Variants in NRIP1 observed in about 807,000 individuals in gnomAD.
NRIP1 encodes nuclear receptor interacting protein 1.
A neutral mutation model predicts 75.0 loss-of-function variants in NRIP1; 28 were observed. The ratio of observed to expected loss-of-function variants is 0.37; its 90% CI spans 0.28 to 0.51. NRIP1 has a LOEUF of 0.51. NRIP1 is among the 20% of genes least tolerant of loss of function. The pLI is 0.92. For missense variants in NRIP1, 1,435 were observed against 1,343.7 expected (o/e 1.07, Z -1.06); for synonymous variants, 526 against 487.6 (o/e 1.08, Z -1.04).
chr21:14,974,154 T>A (rs2086984477), intron 3 of NRIP1: 2 of 152,184 alleles, frequency 1.3e-5, no homozygotes, highest in Admixed American at 6.5e-5. Flanking sequence ...TTTTTTTTCA[T>A]AAGAATTTAA....
At chr21:15,054,209 T>C (rs911399148) in intron 1 of NRIP1, among the ~76,000 whole-genome samples, 12 of 152,202 alleles carry the variant, frequency 7.9e-5, no homozygotes, top group Admixed American at 6.5e-4. Context: ...TTAAGGTTAC[T>C]GCACACCAAA....
rs1197061598 is a variant in NRIP1, at chr21:14,963,528, ATG to A, written c.*1186_*1187del. On this transcript the variant is annotated 3_prime_UTR_variant, in exon 4 of 4. Coordinates refer to ENST00000318948, the MANE Select transcript of NRIP1 (RefSeq NM_003489.4). ...CTACAATATTGCAAATTTTGAGCTGATGTGTGACTGTATTGGGGAAAATAGAG... is the reference window on the plus strand; with the variant it reads ...CTACAATATTGCAAATTTTGAGCTGATGTGACTGTATTGGGGAAAATAGAG... 6.6e-6 allele frequency: 1 copy of A among 152,522 alleles called. No homozygotes were observed. The highest frequency in any genetic ancestry group is 1.9e-4 in the East Asian group (1 of 5,200). The allele number at this position is 152,522 out of a possible 1,614,324, so 9.4% of individuals were successfully genotyped here.
chr21:14,967,883 A>T lies in NRIP1; in HGVS notation c.310T>A (p.Ser104Thr), dbSNP rs1212192798. 3.7e-6 allele frequency: 6 copies of T among 1,613,986 alleles called. No individual in the cohort carries two copies. Among genetic ancestry groups the T allele is most frequent in the Non-Finnish European group, 5.1e-6 (6 of 1,180,032 alleles). ...NAAKRKRLSD[S>T]IMNLNVKKEA... ...TTCTTTACGTTTAAATTCATGATAG[A>T]ATCAGACAGCCTCTTCCGCTTTGCT... The change falls in exon 4 of 4, where the codon TCT becomes ACT. Residue 104 changes from serine (S) to threonine (T), a missense_variant. By Grantham distance (58) the Ser-to-Thr change is moderately conservative. Coordinates refer to ENST00000318948, the MANE Select transcript of NRIP1 (RefSeq NM_003489.4).
intron 2 of NRIP1, among the ~76,000 whole-genome samples, chr21:15,039,066 G>A (rs1025925063): frequency 4.6e-5 from 7 of 152,098 alleles, no homozygotes; most frequent in East Asian, 1.9e-4. Context: ...GGAGGCTTCC[G>A]TTTTGAATTG....
At chr21:15,026,002 G>C (rs1169488306) in intron 2 of NRIP1, among the ~76,000 whole-genome samples, 1 of 152,240 alleles carries the variant, frequency 6.6e-6, no homozygotes, top group Non-Finnish European at 1.5e-5. Context: ...CTGACGATTA[G>C]ATAGTAGTGA....
intron 1 of NRIP1, chr21:15,050,986 A>C: frequency 2.3e-6 from 1 of 441,188 alleles, no homozygotes; most frequent in Non-Finnish European, 4.6e-6. Flanking sequence ...TAGTAGTAGT[A>C]GCAGTAGCAT....
chr21:15,000,301 G>C (rs534291171), intron 3 of NRIP1, among the ~76,000 whole-genome samples: 1 of 152,110 alleles, frequency 6.6e-6, no homozygotes, highest in Non-Finnish European at 1.5e-5. Context: ...GGAATGTATC[G>C]GGGTGGGTGA....
At position 15,024,567 on chromosome 21, in the gene NRIP1, A is replaced by AGTGTGTGTGTGTGT. The variant is rs60376904; in HGVS notation, c.-457-10115_-457-10102dup. Among the ~76,000 whole-genome samples the AGTGTGTGTGTGTGT allele has an allele frequency of 2.9e-3, 416 of 145,666 alleles. 1 individual carries two copies. The highest frequency in any genetic ancestry group is 1.0e-2 in the African/African-American group (395 of 39,550). ...ACACACACAAAACTTTGGTATCCAGAGTGTGTGTGTGTGTGTGTGTGTGTG... is the reference window on the plus strand; with the variant it reads ...ACACACACAAAACTTTGGTATCCAGAGTGTGTGTGTGTGTGTGTGTGTGTGTGTGTGTGTGTGTG... On this transcript the variant is annotated intron_variant, in intron 2 of 3. Transcript: ENST00000318948.
chr21:15,014,444 T>C lies in NRIP1; in HGVS notation c.-435A>G. On this transcript the variant is annotated 5_prime_UTR_variant, in exon 3 of 4. Transcript: ENST00000318948. ...TCATCCGGAGTCTTCAGATTCCCTG[T>C]CCTCCTTCAGTCAAGTGTGCATCTT... The C allele has an allele frequency of 7.5e-6, 3 of 398,468 alleles. No homozygotes were observed. Among genetic ancestry groups the C allele is most frequent in the Non-Finnish European group, 1.3e-5 (3 of 225,948 alleles). The allele number at this position is 398,468 out of a possible 1,614,324, so 24.7% of individuals were successfully genotyped here.
At chr21:15,029,053 T>C (rs1441946388) in intron 2 of NRIP1, among the ~76,000 whole-genome samples, 1 of 152,118 alleles carries the variant, frequency 6.6e-6, no homozygotes, top group East Asian at 1.9e-4. Flanking sequence ...GGCTTTACCT[T>C]GGAATCCAGA....
chr21:15,026,029 T>C (rs1358488149), intron 2 of NRIP1, among the ~76,000 whole-genome samples: 1 of 152,172 alleles, frequency 6.6e-6, no homozygotes, highest in Non-Finnish European at 1.5e-5. Flanking sequence ...ATGATTTTGA[T>C]GGTTTTGTTG....
At chr21:14,986,926 T>G (rs1361430801) in intron 3 of NRIP1, among the ~76,000 whole-genome samples, 1 of 152,194 alleles carries the variant, frequency 6.6e-6, no homozygotes, top group Non-Finnish European at 1.5e-5. Context: ...TAGCATGGCA[T>G]GTAAAGTAAT....
chr21:15,005,824 T>C (rs988202777), intron 3 of NRIP1, among the ~76,000 whole-genome samples: 5 of 152,156 alleles, frequency 3.3e-5, no homozygotes, highest in African/African-American at 1.2e-4. Context: ...TCACAAAGAA[T>C]GGGGCAGTTA....
chr21:14,972,010 T>C (rs1042692455), intron 3 of NRIP1, among the ~76,000 whole-genome samples: 52 of 152,328 alleles, frequency 3.4e-4, no homozygotes, highest in African/African-American at 1.3e-3. Flanking sequence ...GGAGACCTGT[T>C]TTTTAAATGA....
In NRIP1 at chr21:14,967,134, A is replaced by G. The variant is rs750185092; in HGVS notation, c.1059T>C (p.Ile353=). 58 of 1,614,008 alleles carry G rather than the reference A, an allele frequency of 3.6e-5. No homozygotes were observed. The highest frequency in any genetic ancestry group is 4.8e-5 in the Non-Finnish European group (57 of 1,180,012). ...AACCTGCATTTTTAGGGGAAGAAGG[A>G]ATGATACCCATTGGATTTTGAAACA... ...ATVFQNPMGI[I]PSSPKNAGYK... Residue 353 remains isoleucine, a synonymous_variant, in exon 4 of 4, where the codon ATT becomes ATC. Coordinates refer to ENST00000318948, the MANE Select transcript of NRIP1 (RefSeq NM_003489.4).
chr21:15,042,321 G>A (rs1254145176), intron 2 of NRIP1, among the ~76,000 whole-genome samples: 1 of 152,142 alleles, frequency 6.6e-6, no homozygotes, highest in Non-Finnish European at 1.5e-5. Context: ...GCTGGCAAAA[G>A]TTTTTGAGAA....
rs1488089691 is a variant in NRIP1 at position 15,064,888 on chromosome 21, G to GGGCGGACGGGCGCGCGCGGGT, written c.-702_-682dup. Reference sequence around the variant, plus strand: ...GGCGCAGCGGCGGACGCGAGGCCACGGGCGGACGGGCGCGCGCGGGTGGCG... The same window carrying GGGCGGACGGGCGCGCGCGGGT: ...GGCGCAGCGGCGGACGCGAGGCCACGGGCGGACGGGCGCGCGCGGGTGGCGGACGGGCGCGCGCGGGTGGCG... On this transcript the variant is annotated 5_prime_UTR_variant, in exon 1 of 4. Coordinates refer to ENST00000318948, the MANE Select transcript of NRIP1 (RefSeq NM_003489.4). The GGGCGGACGGGCGCGCGCGGGT allele has an allele frequency of 2.0e-5, 3 of 148,266 alleles. No individual in the cohort carries two copies. Among genetic ancestry groups the GGGCGGACGGGCGCGCGCGGGT allele is most frequent in the East Asian group, 3.9e-4 (2 of 5,110 alleles). The allele number at this position is 148,266 out of a possible 1,614,324, so 9.2% of individuals were successfully genotyped here. A position where few individuals can be genotyped will look rare whatever the true frequency, so the allele number is the denominator to read the frequency against.
At chr21:15,038,674 A>G (rs1038921844) in intron 2 of NRIP1, among the ~76,000 whole-genome samples, 7 of 152,108 alleles carry the variant, frequency 4.6e-5, no homozygotes, top group Non-Finnish European at 7.4e-5. Flanking sequence ...CTACTTTCAA[A>G]TTATTCAAAT....
At position 14,964,958 on chromosome 21, in the gene NRIP1, C is replaced by G. The variant is rs140803495; in HGVS notation, c.3235G>C (p.Val1079Leu). The G allele has an allele frequency of 1.2e-5, 20 of 1,613,840 alleles. No homozygotes were observed. Among genetic ancestry groups the G allele is most frequent in the Non-Finnish European group, 1.5e-5 (18 of 1,179,910 alleles). Reference protein sequence around the residue: ...YYMLQKGGNSVTSRETQDKDI... With the variant: ...YYMLQKGGNSLTSRETQDKDI... ...TTGTCTTGTGTTTCTCGACTGGTAA[C>G]AGAATTGCCTCCTTTTTGAAGCATG... The change falls in exon 4 of 4, where the codon GTT (valine) becomes CTT (leucine). Residue 1079 changes from valine to leucine, a missense_variant. Transcript: ENST00000318948.
Sources: allele counts gnomAD v4.1 joint callset (sites outside exome capture counted in the v4.1 genomes callset), GRCh38; gene constraint gnomAD v4.1.1; transcripts MANE v1.5; gene names NCBI Gene and HGNC (gene_info 2026-07-23, HGNC 2026-07-21).